The following CA8 variants were observed in gnomAD, a reference collection of about 807,000 sequenced individuals.
CA8 encodes carbonic anhydrase 8 (inactive).
In CA8, 22 loss-of-function variants were observed where a neutral mutation model predicts 41.4. That is an observed-to-expected ratio of 0.53 (90% CI 0.38 to 0.76). The LOEUF is 0.76. CA8 is among the 30% of genes least tolerant of loss of function. CA8 has a pLI of 0.00. For synonymous variants in CA8, 121 were observed against 130.6 expected (o/e 0.93, Z 0.50); for missense variants, 270 against 352.8 (o/e 0.77, Z 1.88).
intron 5 of CA8, among the ~76,000 whole-genome samples, chr8:60,225,684 G>T (rs1385734858): frequency 6.6e-6 from 1 of 152,154 alleles, no homozygotes; most frequent in Non-Finnish European, 1.5e-5. Context: ...CTTAAAACTG[G>T]CTTTGGGTCT....
chr8:60,199,614 C>A (rs1024591423), intron 8 of CA8, among the ~76,000 whole-genome samples: 1 of 152,118 alleles, frequency 6.6e-6, no homozygotes, highest in South Asian at 2.1e-4. Context: ...TAATTTATTA[C>A]CTGGTGCTAC....
chr8:60,270,426 G>A (rs993198724), intron 2 of CA8, among the ~76,000 whole-genome samples: 3 of 151,958 alleles, frequency 2.0e-5, no homozygotes, highest in Non-Finnish European at 2.9e-5. Context: ...ATTTATATAC[G>A]TCTTTTTGAG....
At chr8:60,209,474 G>A (rs1179478904) in intron 7 of CA8, among the ~76,000 whole-genome samples, 2 of 152,154 alleles carry the variant, frequency 1.3e-5, no homozygotes, top group Non-Finnish European at 2.9e-5. Context: ...GACAGAGCCA[G>A]ACTCCATCTC....
At chr8:60,200,712 T>A (rs537407563) in intron 8 of CA8, among the ~76,000 whole-genome samples, 19 of 148,262 alleles carry the variant, frequency 1.3e-4, no homozygotes, top group Non-Finnish European at 2.5e-4. Context: ...ACTACCTTAT[T>A]TTGTGGATGA....
intron 4 of CA8, among the ~76,000 whole-genome samples, chr8:60,231,236 C>A (rs990789144): frequency 3.3e-5 from 5 of 152,030 alleles, no homozygotes; most frequent in Non-Finnish European, 7.4e-5. Context: ...AGGTCCCCAC[C>A]TGTGACACCA....
Position 60,187,335 on chromosome 8 carries a change from G to A in CA8, c.*2686C>T, listed in dbSNP as rs1805992278. ...TTGGATGCAGCTAAAGCAATGCTCAGAGGAAAATTTATAACTGTTAATGCC... is the reference window on the plus strand; with the variant it reads ...TTGGATGCAGCTAAAGCAATGCTCAAAGGAAAATTTATAACTGTTAATGCC... On this transcript the variant is annotated 3_prime_UTR_variant, in exon 9 of 9. Coordinates refer to ENST00000317995, the MANE Select transcript of CA8 (RefSeq NM_004056.6). The A allele has an allele frequency of 6.6e-6, 1 of 152,030 alleles. No homozygotes were observed. Among genetic ancestry groups the A allele is most frequent in the Non-Finnish European group, 1.5e-5 (1 of 67,954 alleles). The allele number at this position is 152,030 out of a possible 1,614,324, so 9.4% of individuals were successfully genotyped here.
intron 3 of CA8, among the ~76,000 whole-genome samples, chr8:60,247,294 A>C (rs1176371977): frequency 1.3e-5 from 2 of 150,576 alleles, no homozygotes; most frequent in African/African-American, 5.0e-5. Flanking sequence ...CATATGCCGG[A>C]TTGTTACATA....
chr8:60,229,124 G>T (rs114868867), intron 4 of CA8, among the ~76,000 whole-genome samples: 1 of 151,160 alleles, frequency 6.6e-6, no homozygotes, highest in Admixed American at 6.6e-5. Flanking sequence ...ACTTTGGTCC[G>T]TTCTCCTTTC....
chr8:60,278,960 T>C (rs10429312), intron 2 of CA8, among the ~76,000 whole-genome samples: 6,097 of 152,288 alleles, frequency 0.04, 184 homozygotes, highest in South Asian at 0.13. Context: ...TGCATGCTAT[T>C]AATGCTACAT....
intron 2 of CA8, among the ~76,000 whole-genome samples, chr8:60,268,773 G>A (rs943922917): frequency 3.3e-5 from 5 of 152,060 alleles, no homozygotes; most frequent in Non-Finnish European, 5.9e-5. Context: ...ATCCTGAAGT[G>A]TAAATTCATA....
At chr8:60,200,745 TC>T (rs1563520578) in intron 8 of CA8, among the ~76,000 whole-genome samples, 1 of 152,142 alleles carries the variant, frequency 6.6e-6, no homozygotes, top group Admixed American at 6.6e-5. Flanking sequence ...ACCACAATCC[TC>T]CCCATCAATT....
chr8:60,247,443 C>A (rs958809825), intron 3 of CA8, among the ~76,000 whole-genome samples: 2 of 152,088 alleles, frequency 1.3e-5, no homozygotes, highest in Admixed American at 1.3e-4. Context: ...GTGTGTTGTT[C>A]CCCTCCCTGT....
intron 3 of CA8, among the ~76,000 whole-genome samples, chr8:60,264,134 C>T (rs186424867): frequency 6.6e-5 from 10 of 152,330 alleles, no homozygotes; most frequent in African/African-American, 2.4e-4. Flanking sequence ...CACCAAGTAA[C>T]CAGACCAGTC....
At chr8:60,234,241 A>G (rs1807754776) in intron 3 of CA8, among the ~76,000 whole-genome samples, 1 of 152,184 alleles carries the variant, frequency 6.6e-6, no homozygotes, top group Admixed American at 6.5e-5. Context: ...CAAAACGGTC[A>G]AGGTCATCAG....
At chr8:60,211,297 G>A (rs932377829) in intron 7 of CA8, among the ~76,000 whole-genome samples, 1 of 152,192 alleles carries the variant, frequency 6.6e-6, no homozygotes, top group Admixed American at 6.5e-5. Context: ...AGCACTTTGA[G>A]ATAAATATTT....
chr8:60,212,957 T>C (rs934229177), intron 7 of CA8, among the ~76,000 whole-genome samples: 1 of 152,198 alleles, frequency 6.6e-6, no homozygotes, highest in Non-Finnish European at 1.5e-5. Context: ...CAATTCCAAA[T>C]GGTACTAATC....
chr8:60,251,336 T>C (rs144074972), intron 3 of CA8, among the ~76,000 whole-genome samples: 23 of 152,356 alleles, frequency 1.5e-4, no homozygotes, highest in African/African-American at 4.1e-4. Context: ...GCCCATCTTA[T>C]GTATAGCCCA....
At position 60,188,929 on chromosome 8, in the gene CA8, T is replaced by G. The variant is rs1407800542; in HGVS notation, c.*1092A>C. 1 of 152,174 alleles carries G rather than the reference T, an allele frequency of 6.6e-6. No homozygotes were observed. Among genetic ancestry groups the G allele is most frequent in the Non-Finnish European group, 1.5e-5 (1 of 68,028 alleles). The allele number at this position is 152,174 out of a possible 1,614,324, so 9.4% of individuals were successfully genotyped here. A position where few individuals can be genotyped will look rare whatever the true frequency, so the allele number is the denominator to read the frequency against. On this transcript the variant is annotated 3_prime_UTR_variant, in exon 9 of 9. Transcript: ENST00000317995. ...TAGATATTCTGCATCACAAAATCCC[T>G]CCAAACTGGGACTATGTTTTTGAAG...
chr8:60,206,031 C>T (rs1585849536), intron 8 of CA8, among the ~76,000 whole-genome samples: 1 of 152,146 alleles, frequency 6.6e-6, no homozygotes, highest in East Asian at 1.9e-4. Context: ...AGTCTGATTC[C>T]CAATATAATT....
Sources: gnomAD v4.1 joint callset for allele counts (sites outside exome capture counted in the v4.1 genomes callset) on GRCh38, gnomAD v4.1.1 for gene constraint, MANE v1.5 for transcripts, NCBI Gene and HGNC (gene_info 2026-07-23, HGNC 2026-07-21) for gene names.